The following NRG3 variants were observed in gnomAD, a reference collection of about 807,000 sequenced individuals.
NRG3 encodes neuregulin 3.
A neutral mutation model predicts 66.9 loss-of-function variants in NRG3; 31 were observed. That is an observed-to-expected ratio of 0.46 (90% CI 0.35 to 0.63). The LOEUF is 0.63. Ranked by LOEUF, NRG3 falls within the 20% of genes least tolerant of loss-of-function variation. NRG3 has a pLI of 0.00. For synonymous variants in NRG3, 393 were observed against 359.4 expected (o/e 1.09, Z -1.06); for missense variants, 910 against 878.9 (o/e 1.04, Z -0.45).
chr10:82,112,465 C>A (rs2067445729), intron 1 of NRG3, among the ~76,000 whole-genome samples: 1 of 152,026 alleles, frequency 6.6e-6, no homozygotes, highest in African/African-American at 2.4e-5. Context: ...ATTTTATGGG[C>A]AATAGCTGTT....
At chr10:82,846,667 GATA>G (rs1404196265) in intron 3 of NRG3, among the ~76,000 whole-genome samples, 2 of 152,124 alleles carry the variant, frequency 1.3e-5, no homozygotes, top group Admixed American at 6.6e-5. Context: ...ACAATATGAA[GATA>G]ATAAAACAAA....
At chr10:81,963,067 T>C (rs922032531) in intron 1 of NRG3, among the ~76,000 whole-genome samples, 2 of 150,468 alleles carry the variant, frequency 1.3e-5, no homozygotes, top group African/African-American at 4.9e-5. Flanking sequence ...TGCAAACAAA[T>C]GTGTGGGATG....
chr10:82,119,860 C>CT (rs757574523), intron 1 of NRG3, among the ~76,000 whole-genome samples: 2 of 152,024 alleles, frequency 1.3e-5, no homozygotes, highest in Non-Finnish European at 2.9e-5. Context: ...ACACGAGCAC[C>CT]TCTTGTCCTC....
At chr10:82,984,721 C>T in intron 8 of NRG3, 5 of 1,521,606 alleles carry the variant, frequency 3.3e-6, no homozygotes. Flanking sequence ...TATGGGTGTC[C>T]TGTTTGTCAC....
chr10:82,638,546 A>G lies in NRG3; in HGVS notation c.954-100031A>G, dbSNP rs574374549. On this transcript the variant is annotated intron_variant, in intron 2 of 8. Transcript: ENST00000372141. Reference sequence around the variant, plus strand: ...ATGTCCCAGCTGGTGTTCCCAAATTATGGCAAGGACTGGATGTCATTTGTT... The same window carrying G: ...ATGTCCCAGCTGGTGTTCCCAAATTGTGGCAAGGACTGGATGTCATTTGTT... Among the ~76,000 whole-genome samples the G allele has an allele frequency of 9.2e-5, 14 of 152,244 alleles. 1 individual carries two copies. In the South Asian group the frequency reaches 2.7e-3, roughly 29 times the overall value.
At chr10:82,601,909 T>C (rs1424575313) in intron 2 of NRG3, among the ~76,000 whole-genome samples, 3 of 147,242 alleles carry the variant, frequency 2.0e-5, no homozygotes, top group South Asian at 2.1e-4. Context: ...TATAACTATA[T>C]ATATATAAAA....
chr10:82,582,661 GTTGTGTGT>G (rs1192261477), intron 2 of NRG3, among the ~76,000 whole-genome samples: 5 of 122,668 alleles, frequency 4.1e-5, no homozygotes, highest in African/African-American at 1.6e-4. Context: ...ATCTATATGT[GTTGTGTGT>G]GTGTGTGTGT....
chr10:82,397,586 C>G (rs1345612553), intron 2 of NRG3, among the ~76,000 whole-genome samples: 2 of 152,058 alleles, frequency 1.3e-5, no homozygotes, highest in Non-Finnish European at 2.9e-5. Context: ...AATCTAGAGT[C>G]AGTGCAAAAG....
At chr10:82,409,529 T>C (rs1173510343) in intron 2 of NRG3, among the ~76,000 whole-genome samples, 1 of 152,150 alleles carries the variant, frequency 6.6e-6, no homozygotes, top group Non-Finnish European at 1.5e-5. Context: ...CATTCTTTCA[T>C]GAAGGACGTG....
At chr10:82,976,126 G>C (rs1212788376) in intron 7 of NRG3, among the ~76,000 whole-genome samples, 1 of 152,036 alleles carries the variant, frequency 6.6e-6, no homozygotes, top group Non-Finnish European at 1.5e-5. Flanking sequence ...TGTGATCTTG[G>C]CTCACTGCAA....
chr10:82,337,158 TAAAG>T, intron 1 of NRG3, among the ~76,000 whole-genome samples: 1 of 152,290 alleles, frequency 6.6e-6, no homozygotes, highest in Admixed American at 6.5e-5. Flanking sequence ...GATAGGAACA[TAAAG>T]TTTCACTCTT....
chr10:82,388,851 G>A (rs1302344230), intron 2 of NRG3, among the ~76,000 whole-genome samples: 1 of 152,100 alleles, frequency 6.6e-6, no homozygotes, highest in Non-Finnish European at 1.5e-5. Context: ...CATACCATCG[G>A]CATCAAAGTC....
At chr10:82,794,389 T>C (rs763844309) in intron 3 of NRG3, among the ~76,000 whole-genome samples, 17 of 152,200 alleles carry the variant, frequency 1.1e-4, no homozygotes, top group Admixed American at 7.9e-4. Flanking sequence ...ATTGATCCAG[T>C]AGAATTTTTA....
At chr10:82,831,391 A>G (rs1195085200) in intron 3 of NRG3, among the ~76,000 whole-genome samples, 1 of 152,238 alleles carries the variant, frequency 6.6e-6, no homozygotes, top group African/African-American at 2.4e-5. Context: ...TGAACTGACT[A>G]TCCAGATCCA....
At chr10:82,365,260 C>T (rs189154090) in intron 2 of NRG3, among the ~76,000 whole-genome samples, 8 of 152,232 alleles carry the variant, frequency 5.3e-5, no homozygotes, top group East Asian at 1.9e-4. Flanking sequence ...TGAATTCCAT[C>T]GACAGGAGGG....
intron 2 of NRG3, among the ~76,000 whole-genome samples, chr10:82,437,675 T>A (rs2090214678): frequency 6.6e-6 from 1 of 152,138 alleles, no homozygotes; most frequent in African/African-American, 2.4e-5. Context: ...CGTGAATTTG[T>A]CTACTTTTGG....
At chr10:82,643,339 C>G (rs909843965) in intron 2 of NRG3, among the ~76,000 whole-genome samples, 1 of 152,126 alleles carries the variant, frequency 6.6e-6, no homozygotes, top group Admixed American at 6.6e-5. Context: ...AGCTCTCTCT[C>G]TCTTTGCCTG....
rs189639998 is a variant in NRG3, at chr10:82,831,878, C to A, written c.1028-33533C>A. Among the ~76,000 whole-genome samples the A allele has an allele frequency of 1.4e-4, 22 of 152,222 alleles. No homozygotes were observed. The East Asian group carries it at 2.5e-3, about 17-fold the overall frequency. On this transcript the variant is annotated intron_variant, in intron 3 of 8. Coordinates refer to ENST00000372141, the MANE Select transcript of NRG3 (RefSeq NM_001010848.4). The stretch of plus-strand genomic sequence containing the variant: ...GCAACAGGTACTGGAGTCAGCATTG[C>A]TGTCCAAAGCCTTATATGCACCCAC...
At chr10:82,457,414 G>T (rs544408784) in intron 2 of NRG3, among the ~76,000 whole-genome samples, 2 of 152,288 alleles carry the variant, frequency 1.3e-5, no homozygotes, top group East Asian at 3.9e-4. Context: ...TTGAGAATCT[G>T]ATGCTGTTGC....
Sources: gnomAD v4.1 joint callset for allele counts (sites outside exome capture counted in the v4.1 genomes callset) on GRCh38, gnomAD v4.1.1 for gene constraint, MANE v1.5 for transcripts, NCBI Gene and HGNC (gene_info 2026-07-23, HGNC 2026-07-21) for gene names.